Variants in EDNRB observed in about 807,000 individuals in gnomAD.
EDNRB encodes endothelin receptor type B.
A neutral mutation model predicts 46.4 loss-of-function variants in EDNRB; 18 were observed. The observed-to-expected ratio is 0.39, with a 90% CI of 0.27 to 0.57. The LOEUF (loss-of-function observed/expected upper bound fraction) is 0.57. Ranked by LOEUF, EDNRB falls within the 20% of genes least tolerant of loss-of-function variation. EDNRB has a pLI of 0.61. For synonymous variants in EDNRB, 213 were observed against 204.9 expected, an observed-to-expected ratio of 1.04 and a Z score of -0.34; for missense variants, 434 against 537.5, an observed-to-expected ratio of 0.81 and a Z score of 1.90.
At chr13:77,944,378 C>A (rs1470953453) in intron 1 of EDNRB, among the ~76,000 whole-genome samples, 1 of 152,098 alleles carries the variant, frequency 6.6e-6, no homozygotes, top group Non-Finnish European at 1.5e-5. Flanking sequence ...TTCCTATAAA[C>A]TCTGAGTTTA....
chr13:77,902,929 T>C (rs548130779), intron 3 of EDNRB, among the ~76,000 whole-genome samples: 2 of 152,106 alleles, frequency 1.3e-5, no homozygotes, highest in Admixed American at 1.3e-4. Flanking sequence ...GGACCTGGTT[T>C]ATCTATGCCA....
At chr13:77,919,117 C>T (rs1801709), upstream of EDNRB, 21 of 507,402 alleles carry the variant, frequency 4.1e-5, no homozygotes, top group Non-Finnish European at 6.8e-5. Context: ...CCGCTACTCC[C>T]TGGCTGGCTG....
rs1012719923 is a variant in EDNRB at position 77,899,305 on chromosome 13, A to G, written c.1194+554T>C. Reference sequence around the variant, plus strand: ...TCATGTTAGATTGTTGAAGGAGTGAATGAATAGAAGGATGATAAAATGCAA... The same window carrying G: ...TCATGTTAGATTGTTGAAGGAGTGAGTGAATAGAAGGATGATAAAATGCAA... On this transcript the variant is annotated intron_variant, in intron 6 of 6. Transcript: ENST00000646607. 5.3e-5 allele frequency among the ~76,000 whole-genome samples: 8 copies of G among 151,916 alleles called. No homozygotes were observed. In the South Asian group the frequency reaches 8.3e-4, roughly 16 times the overall value.
At chr13:77,973,058 C>T (rs1289572157) in intron 1 of EDNRB, among the ~76,000 whole-genome samples, 1 of 152,104 alleles carries the variant, frequency 6.6e-6, no homozygotes, top group Non-Finnish European at 1.5e-5. Flanking sequence ...GGGTGGTATG[C>T]ATACTAAAAG....
At chr13:77,923,822 G>A (rs1880156349), upstream of EDNRB, among the ~76,000 whole-genome samples, 1 of 150,686 alleles carries the variant, frequency 6.6e-6, no homozygotes, top group Non-Finnish European at 1.5e-5. Context: ...TTGTAGTACA[G>A]AATAGAATGT....
intron 6 of EDNRB, among the ~76,000 whole-genome samples, chr13:77,898,823 C>T (rs893812405): frequency 5.3e-5 from 8 of 151,944 alleles, no homozygotes; most frequent in Admixed American, 1.3e-4. Context: ...AGCCACTTTG[C>T]TGAGAAGATT....
chr13:77,902,954 A>C (rs941065943), intron 3 of EDNRB, among the ~76,000 whole-genome samples: 4 of 151,890 alleles, frequency 2.6e-5, no homozygotes, highest in Non-Finnish European at 4.4e-5. Context: ...GATCAAGGGG[A>C]TTCTTAGAGA....
chr13:77,948,725 C>A (rs532393998), intron 1 of EDNRB, among the ~76,000 whole-genome samples: 1 of 152,232 alleles, frequency 6.6e-6, no homozygotes, highest in East Asian at 1.9e-4. Context: ...TATTCTGTTT[C>A]TTTTATTCCA....
chr13:77,919,744 G>A, upstream of EDNRB: 1 of 855,272 alleles, frequency 1.2e-6, no homozygotes, highest in Non-Finnish European at 1.8e-6. Context: ...GTCCTCGTCC[G>A]GGGACAGGTC....
intron 1 of EDNRB, among the ~76,000 whole-genome samples, chr13:77,929,917 TAG>T (rs1566323467): frequency 6.6e-6 from 1 of 152,194 alleles, no homozygotes; most frequent in Non-Finnish European, 1.5e-5. Flanking sequence ...AGTGATTGTC[TAG>T]GAAATGTCAG....
At chr13:77,940,701 GT>G (rs1594387280) in intron 1 of EDNRB, among the ~76,000 whole-genome samples, 21 of 774 alleles carry the variant, frequency 0.027, no homozygotes, top group Non-Finnish European at 0.089. Context: ...GATGAATTGG[GT>G]GTGTGTGTGT....
intron 1 of EDNRB, among the ~76,000 whole-genome samples, chr13:77,934,804 G>C (rs1042602855): frequency 1.3e-5 from 2 of 152,102 alleles, no homozygotes; most frequent in Non-Finnish European, 2.9e-5. Context: ...AGGCAGGCTG[G>C]TGGCTTGTAC....
intron 1 of EDNRB, among the ~76,000 whole-genome samples, chr13:77,909,860 A>G (rs1046827368): frequency 1.3e-5 from 2 of 151,882 alleles, no homozygotes; most frequent in Non-Finnish European, 2.9e-5. Flanking sequence ...TACTATTTAT[A>G]TTTTCTAGTA....
At chr13:77,920,651 G>A (rs1880058305), upstream of EDNRB, among the ~76,000 whole-genome samples, 1 of 152,200 alleles carries the variant, frequency 6.6e-6, no homozygotes, top group African/African-American at 2.4e-5. Context: ...TAGGAACATG[G>A]TTACGGAGTA....
chr13:77,962,267 C>T (rs1327991801), intron 1 of EDNRB, among the ~76,000 whole-genome samples: 1 of 152,174 alleles, frequency 6.6e-6, no homozygotes, highest in East Asian at 1.9e-4. Context: ...GGAATCCCCC[C>T]TAACTCATTT....
At chr13:77,901,286 A>G in intron 3 of EDNRB, 79 bp from the exon 4 acceptor site, 4 of 1,456,298 alleles carry the variant, frequency 2.7e-6, no homozygotes, top group Non-Finnish European at 3.8e-6. Flanking sequence ...ACTTAAAAAA[A>G]TTCATCAGGG....
chr13:77,898,688 T>C (rs1168711076), intron 6 of EDNRB, among the ~76,000 whole-genome samples: 4 of 151,990 alleles, frequency 2.6e-5, no homozygotes, highest in Non-Finnish European at 5.9e-5. Flanking sequence ...AATAAATAAA[T>C]TATACACATG....
rs1425908419 is a variant in EDNRB, at chr13:77,918,314, G to T, written c.260C>A (p.Pro87His). Residue 87 changes from proline to histidine, a missense_variant, in exon 1 of 7, where the codon CCT becomes CAT. Transcript: ENST00000646607. The surrounding 1 kb of genome is among the most constrained non-coding windows in gnomAD (Gnocchi z 4.5). ...CTCGATGGGTCCTTGGCACGGGGGA[G>T]GGGAGATGGTGCGTGGCGGAGATCC... is the stretch of plus-strand genomic sequence containing the variant. ...TAGSPPRTIS[P>H]PPCQGPIEIK... 3 of 1,614,114 alleles carry T rather than the reference G, an allele frequency of 1.9e-6. No homozygotes were observed. Among genetic ancestry groups the T allele is most frequent in the Middle Eastern group, 3.3e-4 (2 of 6,062 alleles).
At chr13:77,905,677 GGTCACC>G (rs1230579208) in intron 1 of EDNRB, among the ~76,000 whole-genome samples, 1 of 151,958 alleles carries the variant, frequency 6.6e-6, no homozygotes, top group African/African-American at 2.4e-5. Context: ...TTCTCAGTAA[GGTCACC>G]CTGAAGAGAC....
Sources: gnomAD v4.1 joint callset for allele counts (sites outside exome capture counted in the v4.1 genomes callset) on GRCh38, gnomAD v4.1.1 for gene constraint, Gnocchi (gnomAD v3.1) non-coding constraint, MANE v1.5 for transcripts, NCBI Gene and HGNC (gene_info 2026-07-23, HGNC 2026-07-21) for gene names.